SH3YL1: variants seen among roughly 807,000 people sequenced by gnomAD.
SH3YL1 encodes SH3 domain-containing YSC84-like protein 1.
SH3YL1 carries 41 observed loss-of-function variants against 45.8 expected under a neutral mutation model. The observed-to-expected ratio is 0.89, with a 90% CI of 0.70 to 1.16. SH3YL1 has a LOEUF of 1.16. SH3YL1 is among the 50% of genes most tolerant of loss of function. SH3YL1 has a pLI of 0.00. For missense variants in SH3YL1, 389 were observed against 409.6 expected, an observed-to-expected ratio of 0.95 and a Z score of 0.43; for synonymous variants, 152 against 151.4, an observed-to-expected ratio of 1.00 and a Z score of -0.03.
chr2:224,752 T>C, intron 9 of SH3YL1, 112 bp downstream of exon 9: 2 of 791,328 alleles, frequency 2.5e-6, no homozygotes, highest in Non-Finnish European at 4.3e-6. Flanking sequence ...ATTCTATAAA[T>C]TAAAGGGCTG....
rs143168928 is a variant in SH3YL1, at chr2:220,307, G to T, written c.839-1306C>A. 2.0e-5 allele frequency among the ~76,000 whole-genome samples: 3 copies of T among 152,120 alleles called. No homozygotes were observed. In the East Asian group the frequency reaches 5.8e-4, roughly 29 times the overall value. On this transcript the variant is annotated intron_variant, in intron 9 of 9. Coordinates refer to ENST00000356150, the MANE Select transcript of SH3YL1 (RefSeq NM_015677.4). ...GAATTTGTAGCTCTCACAAGATGGTGCTACCATTCTTTCTTTAAAGTATGT... is the reference window on the plus strand; with the variant it reads ...GAATTTGTAGCTCTCACAAGATGGTTCTACCATTCTTTCTTTAAAGTATGT...
intron 5 of SH3YL1, among the ~76,000 whole-genome samples, 166 bp downstream of exon 5, chr2:233,994 G>A (rs1381197923): frequency 6.6e-6 from 1 of 152,118 alleles, no homozygotes; most frequent in Non-Finnish European, 1.5e-5. Flanking sequence ...TATCTCACTG[G>A]CTGTGTTTTG....
chr2:233,303 C>A (rs1293704432), intron 5 of SH3YL1, 74 bp from the exon 6 acceptor site: 5 of 1,339,740 alleles, frequency 3.7e-6, no homozygotes, highest in East Asian at 2.6e-5. Context: ...AAATAGCACT[C>A]CTTCTAGCTC....
chr2:231,241 C>T (rs1373204353), intron 6 of SH3YL1, 50 bp from the exon 7 acceptor site: 3 of 1,427,878 alleles, frequency 2.1e-6, no homozygotes, highest in East Asian at 5.0e-5. Flanking sequence ...CAAATCTTTT[C>T]TAGAGTTAAA....
intron 1 of SH3YL1, among the ~76,000 whole-genome samples, chr2:257,553 A>AC (rs1222411694): frequency 6.6e-6 from 1 of 152,214 alleles, no homozygotes; most frequent in Non-Finnish European, 1.5e-5. Flanking sequence ...AACCACTCAT[A>AC]CACTGCTAAG....
upstream of SH3YL1, chr2:264,261 GT>G: frequency 2.4e-6 from 1 of 419,996 alleles, no homozygotes; most frequent in Non-Finnish European, 4.2e-6. Flanking sequence ...GGTGTTGGGG[GT>G]GGGGGTCTCA....
intron 6 of SH3YL1, 64 bp downstream of exon 6, chr2:233,037 T>C (rs1668116819): frequency 7.1e-7 from 1 of 1,404,486 alleles, no homozygotes; most frequent in Non-Finnish European, 9.5e-7. Flanking sequence ...GCAAATTATA[T>C]CAACTTTTGA....
intron 4 of SH3YL1, among the ~76,000 whole-genome samples, chr2:238,155 C>T (rs1668387324): frequency 6.6e-6 from 1 of 152,176 alleles, no homozygotes; most frequent in South Asian, 2.1e-4. Flanking sequence ...GGGCTTCCTC[C>T]TCCACCCTGC....
At chr2:258,649 T>C (rs1300341911) in intron 1 of SH3YL1, among the ~76,000 whole-genome samples, 2 of 152,174 alleles carry the variant, frequency 1.3e-5, no homozygotes, top group African/African-American at 4.8e-5. Flanking sequence ...TGTTGTTGTG[T>C]TCTGTTTGTG....
intron 4 of SH3YL1, among the ~76,000 whole-genome samples, chr2:245,435 A>G (rs1477994828): frequency 1.3e-5 from 2 of 152,240 alleles, no homozygotes; most frequent in African/African-American, 4.8e-5. Flanking sequence ...GCAAAGATGA[A>G]GAAGATATTA....
chr2:234,048 T>G (rs1355480530), intron 5 of SH3YL1, 112 bp downstream of exon 5: 2 of 783,630 alleles, frequency 2.6e-6, no homozygotes, highest in African/African-American at 3.5e-5. Context: ...CGGGCATGTA[T>G]AAATCTGGGG....
At position 225,059 on chromosome 2, in the gene SH3YL1, C is replaced by T. The variant is rs186156217; in HGVS notation, c.782-139G>A. 2,148 of 693,582 alleles carry T rather than the reference C, an allele frequency of 3.1e-3. 13 individuals carry two copies. Among genetic ancestry groups the T allele is most frequent in the East Asian group, 9.3e-3 (366 of 39,500 alleles). 43.0% of individuals were successfully genotyped at this position (693,582 alleles called of 1,614,324 possible). A position where few individuals can be genotyped will look rare whatever the true frequency, so the allele number is the denominator to read the frequency against. On this transcript the variant is annotated intron_variant, in intron 8 of 9. Transcript: ENST00000356150. ...TGATAGGATCATCATCATTTGATTG[C>T]GCTTTAAATCACAAGGTATACCTGA...
At chr2:264,763 T>C (rs1669785145), upstream of SH3YL1, 4 of 559,214 alleles carry the variant, frequency 7.2e-6, no homozygotes, top group South Asian at 4.6e-5. Flanking sequence ...CCGCGGACCC[T>C]CCCCGCCCGT....
In SH3YL1 at chr2:218,761, G is replaced by A. The variant is rs1180586847; in HGVS notation, c.*50C>T. 6.9e-7 allele frequency: 1 copy of A among 1,439,792 alleles called. No individual in the cohort carries two copies. Among genetic ancestry groups the A allele is most frequent in the East Asian group, 2.3e-5 (1 of 42,988 alleles). The allele number at this position is 1,439,792 out of a possible 1,614,324, so 89.2% of individuals were successfully genotyped here. A position where few individuals can be genotyped will look rare whatever the true frequency, so the allele number is the denominator to read the frequency against. On this transcript the variant is annotated 3_prime_UTR_variant, in exon 10 of 10. Coordinates refer to ENST00000356150, the MANE Select transcript of SH3YL1 (RefSeq NM_015677.4). ...ATTGCTTAACTAGTAAATCCTGTCA[G>A]TGTAGAAATAATTTTTTTGTAATTC...
At chr2:238,092 T>C (rs900880953) in intron 4 of SH3YL1, among the ~76,000 whole-genome samples, 4 of 152,142 alleles carry the variant, frequency 2.6e-5, no homozygotes, top group Non-Finnish European at 4.4e-5. Context: ...TTCTGGATGA[T>C]TGACTGCTGT....
Position 233,103 on chromosome 2 carries a change from T to C in SH3YL1, c.531A>G (p.Arg177=). ...SCLIERKETN[R]KFYCQDIRAY... ...AAATCACTTTAACTTGAACTGACTT[T>C]CTATTAGTTTCTTTCCTTTCAATCA... Residue 177 remains arginine (R), a splice_region_variant and synonymous_variant, in exon 6 of 10, where the codon AGA becomes AGG. Transcript: ENST00000356150. The C allele has an allele frequency of 1.3e-6, 2 of 1,562,864 alleles. No homozygotes were observed. Among genetic ancestry groups the C allele is most frequent in the Non-Finnish European group, 1.7e-6 (2 of 1,153,730 alleles).
intron 7 of SH3YL1, chr2:230,415 A>G (rs1667983833): frequency 5.6e-6 from 1 of 177,166 alleles, no homozygotes; most frequent in Non-Finnish European, 1.2e-5. Flanking sequence ...CAGGCATCAT[A>G]CCAACTCTGA....
At chr2:264,206 T>G, upstream of SH3YL1, 1 of 537,374 alleles carries the variant, frequency 1.9e-6, no homozygotes, top group Non-Finnish European at 3.0e-6. Context: ...AACCGCCCCG[T>G]CCTCAAGATC....
chr2:229,504 C>T (rs568113505), intron 8 of SH3YL1, among the ~76,000 whole-genome samples: 3 of 151,956 alleles, frequency 2.0e-5, no homozygotes, highest in African/African-American at 7.2e-5. Flanking sequence ...CCGAGGCGGG[C>T]AGATCACGAG....
Sources: allele counts gnomAD v4.1 joint callset (sites outside exome capture counted in the v4.1 genomes callset), GRCh38; gene constraint gnomAD v4.1.1; transcripts MANE v1.5; gene names NCBI Gene and HGNC (gene_info 2026-07-23, HGNC 2026-07-21).